WASHC5: variants seen among roughly 807,000 people sequenced by gnomAD.
WASHC5 encodes WASH complex subunit 5.
In WASHC5, 101 loss-of-function variants were observed where a neutral mutation model predicts 150.4. The ratio of observed to expected loss-of-function variants is 0.67; its 90% CI spans 0.57 to 0.79. The LOEUF (loss-of-function observed/expected upper bound fraction) is 0.79, where lower values mean the gene tolerates loss of function less well. WASHC5 is among the 30% of genes least tolerant of loss of function. The pLI is 0.00. For synonymous variants in WASHC5, 467 were observed against 491.2 expected (o/e 0.95, Z 0.65); for missense variants, 1,195 against 1,396.3 (o/e 0.86, Z 2.30).
At chr8:125,030,459 T>C (rs1815495793) in intron 27 of WASHC5, among the ~76,000 whole-genome samples, 1 of 152,020 alleles carries the variant, frequency 6.6e-6, no homozygotes, top group African/African-American at 2.4e-5. Context: ...ATTCATTAAC[T>C]AAGAGGAGGA....
Position 125,038,995 on chromosome 8 carries a change from G to C in WASHC5, c.2955-36C>G, listed in dbSNP as rs544102919. 2.5e-6 allele frequency: 4 copies of C among 1,604,588 alleles called. No homozygotes were observed. The African/African-American group carries it at 4.0e-5, about 16-fold the overall frequency. On this transcript the variant is annotated intron_variant, in intron 24 of 28. Coordinates refer to ENST00000318410, the MANE Select transcript of WASHC5 (RefSeq NM_014846.4). ...AAAAACCCTGGAGATAAACATTAGTGAGTAAATGAATTTATACAAGAGTTA... is the reference window on the plus strand; with the variant it reads ...AAAAACCCTGGAGATAAACATTAGTCAGTAAATGAATTTATACAAGAGTTA...
intron 18 of WASHC5, 31 bp from the exon 19 acceptor site, chr8:125,049,216 C>G: frequency 6.2e-7 from 1 of 1,609,382 alleles, no homozygotes; most frequent in East Asian, 2.2e-5. Context: ...AAAGCTCTTA[C>G]ACTGGAGTAG....
chr8:125,047,066 G>C, intron 20 of WASHC5, 141 bp downstream of exon 20: 2 of 996,756 alleles, frequency 2.0e-6, no homozygotes, highest in Admixed American at 1.9e-5. Flanking sequence ...AGGGGTTAGG[G>C]ACCCTTGCCC....
At chr8:125,063,763 A>G (rs1325454019) in intron 10 of WASHC5, 112 bp from the exon 11 acceptor site, 2 of 932,672 alleles carry the variant, frequency 2.1e-6, no homozygotes, top group African/African-American at 3.3e-5. Context: ...AAGCTACACT[A>G]TAAATTAACA....
At position 125,053,206 on chromosome 8, in the gene WASHC5, T is replaced by C. The variant is rs369160108; in HGVS notation, c.2097+2385A>G. ...AACCAAACTGAACCTACACTTTTTA[T>C]AAGTGTTTGAAACACAACCTCAACA... On this transcript the variant is annotated intron_variant, in intron 17 of 28. Transcript: ENST00000318410. 2.0e-4 allele frequency among the ~76,000 whole-genome samples: 31 copies of C among 152,160 alleles called. No homozygotes were observed. The South Asian group carries it at 2.3e-3, about 11-fold the overall frequency.
Position 125,036,400 on chromosome 8 carries a change from A to C in WASHC5, c.3181+837T>G, listed in dbSNP as rs746281481. ...AAATCCACTGTCTAGGGCTGGGCAC[A>C]ATGGCTCACGCCTGTAATCTCAGCC... is the stretch of plus-strand genomic sequence containing the variant. On this transcript the variant is annotated intron_variant, in intron 26 of 28. Transcript: ENST00000318410. Among the ~76,000 whole-genome samples the C allele has an allele frequency of 1.9e-4, 29 of 152,240 alleles. 1 individual carries two copies. The highest frequency in any genetic ancestry group is 4.4e-5 in the Non-Finnish European group (3 of 68,044).
At chr8:125,063,680 A>C in intron 10 of WASHC5, 29 bp from the exon 11 acceptor site, 1 of 1,609,776 alleles carries the variant, frequency 6.2e-7, no homozygotes, top group Non-Finnish European at 8.5e-7. Flanking sequence ...ATATTTATTT[A>C]CTTAAGAGAA....
At chr8:125,025,930 G>A (rs1815370328) in intron 28 of WASHC5, among the ~76,000 whole-genome samples, 1 of 151,566 alleles carries the variant, frequency 6.6e-6, no homozygotes, top group African/African-American at 2.4e-5. Flanking sequence ...AACATCCTTG[G>A]GCACATATCT....
chr8:125,043,998 T>C lies in WASHC5; in HGVS notation c.2764A>G (p.Ile922Val). Reference protein sequence around the residue: ...LMNAVSPLKSIVANSNKIYFS... With the variant: ...LMNAVSPLKSVVANSNKIYFS... ...GTAGTTTCAGGACACTCACCGACAA[T>C]ACTTTTTAGGGGACTGACAGCATTC... is the stretch of plus-strand genomic sequence containing the variant. The change falls in exon 22 of 29, where the codon ATT (isoleucine) becomes GTT (valine). Residue 922 changes from isoleucine (I) to valine (V), a missense_variant. By Grantham distance (29) the Ile-to-Val change is conservative (BLOSUM62 3). This residue lies in a region of WASHC5 where 997 missense variants were observed against 1,168.1 expected (regional missense o/e 0.85). Transcript: ENST00000318410. The C allele has an allele frequency of 6.2e-7, 1 of 1,611,458 alleles. No homozygotes were observed. Among genetic ancestry groups the C allele is most frequent in the Non-Finnish European group, 8.5e-7 (1 of 1,177,582 alleles).
intron 17 of WASHC5, 47 bp from the exon 18 acceptor site, chr8:125,050,712 T>C (rs764546437): frequency 6.9e-7 from 1 of 1,440,668 alleles, no homozygotes; most frequent in Non-Finnish European, 9.8e-7. Context: ...AAAAATTCAG[T>C]CCTAACGAAA....
At chr8:125,064,019 T>C (rs1253706852) in intron 10 of WASHC5, among the ~76,000 whole-genome samples, 2 of 152,200 alleles carry the variant, frequency 1.3e-5, no homozygotes, top group Non-Finnish European at 2.9e-5. Context: ...CTATGGTTCC[T>C]TCTAGGCAAC....
At position 125,079,689 on chromosome 8, in the gene WASHC5, A is replaced by G. The variant is rs113859835; in HGVS notation, c.519-759T>C. Among the ~76,000 whole-genome samples, 43 of 152,346 alleles carry G rather than the reference A, an allele frequency of 2.8e-4. No homozygotes were observed. In the East Asian group the frequency reaches 6.0e-3, roughly 21 times the overall value. ...TCTGAATTGGCATCTCATGATCAAC[A>G]TAAGTGAATAATTCTGGAGGAAAAT... On this transcript the variant is annotated intron_variant, in intron 5 of 28. Coordinates refer to ENST00000318410, the MANE Select transcript of WASHC5 (RefSeq NM_014846.4).
chr8:125,042,689 CG>C (rs1305601392), intron 23 of WASHC5, among the ~76,000 whole-genome samples: 16 of 152,250 alleles, frequency 1.1e-4, no homozygotes, highest in South Asian at 6.2e-4. Context: ...TGTCCAAACT[CG>C]GGTGATTCTT....
chr8:125,034,584 C>T (rs995421686), intron 26 of WASHC5, among the ~76,000 whole-genome samples: 4 of 152,232 alleles, frequency 2.6e-5, no homozygotes, highest in Admixed American at 2.6e-4. Flanking sequence ...CATATACTCA[C>T]TCTTGGTGAG....
rs780198768 is a variant in WASHC5, at chr8:125,087,835, G to GA, written c.-125+3779dup. Among the ~76,000 whole-genome samples the GA allele has an allele frequency of 2.3e-4, 35 of 151,494 alleles. 1 individual carries two copies. Among genetic ancestry groups the GA allele is most frequent in the Admixed American group, 6.6e-5 (1 of 15,214 alleles). ...AATGCTAGAGTGATTACAAAATACA[G>GA]AAAAATGTTTCATAAAAAGGAGAAG... On this transcript the variant is annotated intron_variant, in intron 1 of 28. Coordinates refer to ENST00000318410, the MANE Select transcript of WASHC5 (RefSeq NM_014846.4).
chr8:125,057,357 G>T (rs1164566526), intron 15 of WASHC5, among the ~76,000 whole-genome samples, 199 bp downstream of exon 15: 1 of 152,160 alleles, frequency 6.6e-6, no homozygotes, highest in Non-Finnish European at 1.5e-5. Flanking sequence ...AGAAATAAAA[G>T]TTCCTGGCAA....
intron 14 of WASHC5, among the ~76,000 whole-genome samples, chr8:125,058,609 ATGGTGGTG>A (rs1275520922): frequency 1.3e-5 from 2 of 152,012 alleles, no homozygotes; most frequent in Non-Finnish European, 2.9e-5. Flanking sequence ...TTAGCTGGGC[ATGGTGGTG>A]AACACCTGTA....
chr8:125,037,163 T>C (rs1421152861), intron 26 of WASHC5, 74 bp downstream of exon 26: 1 of 880,740 alleles, frequency 1.1e-6, no homozygotes, highest in Non-Finnish European at 1.9e-6. Context: ...AGGCATTCTA[T>C]ACAAAAAGCT....
In WASHC5 at chr8:125,047,349, C is replaced by A; in HGVS notation, c.2380-18G>T. 1 of 1,611,406 alleles carries A rather than the reference C, an allele frequency of 6.2e-7. No homozygotes were observed. Among genetic ancestry groups the A allele is most frequent in the South Asian group, 1.1e-5 (1 of 90,984 alleles). ...TCTTGAATCTAGAAAACAAAACCAT[C>A]AATATTTAGTAAACCTTTGATAAGA... On this transcript the variant is annotated intron_variant, in intron 19 of 28. Coordinates refer to ENST00000318410, the MANE Select transcript of WASHC5 (RefSeq NM_014846.4).
Sources: allele counts gnomAD v4.1 joint callset (sites outside exome capture counted in the v4.1 genomes callset), GRCh38; gene constraint gnomAD v4.1.1; regional missense constraint gnomAD v4.1.1; transcripts MANE v1.5; gene names NCBI Gene and HGNC (gene_info 2026-07-23, HGNC 2026-07-21).